ARFGEF2: variants seen among roughly 807,000 people sequenced by gnomAD.
ARFGEF2 encodes brefeldin A-inhibited guanine nucleotide-exchange protein 2.
In ARFGEF2, 74 loss-of-function variants were observed where a neutral mutation model predicts 219.9. The observed-to-expected ratio is 0.34, with a 90% CI of 0.28 to 0.41. The LOEUF is 0.41. Among genes scored for constraint, ARFGEF2 ranks in the 10% least tolerant of loss-of-function variants. The pLI is 1.00. For synonymous variants in ARFGEF2, 733 were observed against 799.2 expected (o/e 0.92, Z 1.40); for missense variants, 1,743 against 2,218.3 (o/e 0.79, Z 4.30).
At chr20:49,016,578 C>G (rs1019487681) in intron 31 of ARFGEF2, among the ~76,000 whole-genome samples, 163 bp downstream of exon 31, 7 of 152,046 alleles carry the variant, frequency 4.6e-5, no homozygotes, top group African/African-American at 1.7e-4. Context: ...CAGTGCCCCC[C>G]CCAAGTCAGT....
At chr20:48,976,531 C>T (rs890261757) in intron 14 of ARFGEF2, among the ~76,000 whole-genome samples, 6 of 151,910 alleles carry the variant, frequency 3.9e-5, no homozygotes, top group African/African-American at 7.3e-5. Context: ...TGAGATGGCC[C>T]GGCGCAGTGG....
intron 3 of ARFGEF2, among the ~76,000 whole-genome samples, chr20:48,950,794 T>TAAA (rs1308938052): frequency 1.1e-4 from 4 of 35,922 alleles, no homozygotes; most frequent in South Asian, 1.2e-3. Flanking sequence ...AGACCCTGTC[T>TAAA]AAAAAAAAAA....
intron 14 of ARFGEF2, among the ~76,000 whole-genome samples, chr20:48,979,904 T>A (rs1198097419): frequency 1.3e-5 from 2 of 152,066 alleles, no homozygotes; most frequent in African/African-American, 4.8e-5. Flanking sequence ...GTCTATCAAT[T>A]TTGTTGATCT....
At chr20:48,966,054 T>A in intron 8 of ARFGEF2, 31 bp downstream of exon 8, 1 of 1,613,592 alleles carries the variant, frequency 6.2e-7, no homozygotes, top group Non-Finnish European at 8.5e-7. Context: ...TGTGGACTTA[T>A]TGCCATTTTT....
intron 1 of ARFGEF2, among the ~76,000 whole-genome samples, chr20:48,928,192 C>CTTTTTTT (rs747462352): frequency 7.6e-5 from 8 of 104,766 alleles, no homozygotes; most frequent in East Asian, 2.9e-4. Flanking sequence ...GTGTTGCAAT[C>CTTTTTTT]TTTTTTTTTT....
chr20:48,995,559 A>G (rs555008574), intron 22 of ARFGEF2, among the ~76,000 whole-genome samples: 5 of 152,346 alleles, frequency 3.3e-5, no homozygotes, highest in African/African-American at 9.6e-5. Context: ...AGAAAGGTAG[A>G]TGGTTGGTAG....
chr20:49,005,065 T>C lies in ARFGEF2; in HGVS notation c.3433-5T>C. 1.9e-6 allele frequency: 3 copies of C among 1,614,198 alleles called. No individual in the cohort carries two copies. Among genetic ancestry groups the C allele is most frequent in the Non-Finnish European group, 2.5e-6 (3 of 1,180,022 alleles). On this transcript the variant is annotated splice_polypyrimidine_tract_variant and splice_region_variant and intron_variant, in intron 25 of 38. Transcript: ENST00000371917. ...TGTTTCACATCAGTTCCTGTTCTTGTTCAGGTTGGCTGCAACCCTAATGAA... is the reference window on the plus strand; with the variant it reads ...TGTTTCACATCAGTTCCTGTTCTTGCTCAGGTTGGCTGCAACCCTAATGAA...
intron 1 of ARFGEF2, 126 bp from the exon 2 acceptor site, chr20:48,941,073 C>G: frequency 2.4e-6 from 2 of 840,342 alleles, no homozygotes; most frequent in South Asian, 3.0e-5. Flanking sequence ...CACTTCATAT[C>G]AGCATTTTTG....
chr20:49,020,521 T>C (rs1309595085), intron 34 of ARFGEF2, among the ~76,000 whole-genome samples: 1 of 152,192 alleles, frequency 6.6e-6, no homozygotes, highest in Non-Finnish European at 1.5e-5. Context: ...TCATAGCTCA[T>C]TGCAGCCTTG....
intron 33 of ARFGEF2, among the ~76,000 whole-genome samples, chr20:49,018,676 T>G (rs1443719042): frequency 6.6e-6 from 1 of 152,230 alleles, no homozygotes; most frequent in Non-Finnish European, 1.5e-5. Context: ...AAATAGGGAA[T>G]TTTAATGGGA....
rs780387297 is a variant in ARFGEF2, at chr20:48,952,930, C to T, written c.603+46C>T. 3 of 1,595,764 alleles carry T rather than the reference C, an allele frequency of 1.9e-6. No individual in the cohort carries two copies. The South Asian group carries it at 3.3e-5, about 18-fold the overall frequency. Reference sequence around the variant, plus strand: ...GCTAGGGGCAAGACATCATTGCTCTCTGAACTCTATCATGTGTGACCTTGG... The same window carrying T: ...GCTAGGGGCAAGACATCATTGCTCTTTGAACTCTATCATGTGTGACCTTGG... On this transcript the variant is annotated intron_variant, in intron 5 of 38. Transcript: ENST00000371917.
chr20:49,020,813 C>G (rs2091560862), intron 34 of ARFGEF2, among the ~76,000 whole-genome samples: 1 of 152,080 alleles, frequency 6.6e-6, no homozygotes. Context: ...ACATTTCTTT[C>G]AATAGGAGAA....
chr20:49,021,208 C>A (rs1443133168), intron 34 of ARFGEF2, among the ~76,000 whole-genome samples: 1 of 151,452 alleles, frequency 6.6e-6, no homozygotes, highest in African/African-American at 2.4e-5. Flanking sequence ...TTGAGACCAG[C>A]CTGGGCAACA....
rs150227433 is a variant in ARFGEF2, at chr20:48,992,674, C to G, written c.2973+1476C>G. 3.3e-5 allele frequency among the ~76,000 whole-genome samples: 5 copies of G among 152,276 alleles called. No individual in the cohort carries two copies. The East Asian group carries it at 5.8e-4, about 18-fold the overall frequency. ...CAATAGTGTTACCTGCTGTCATCTCCGTGGCGTATGGCTTTGCTCCTCTTC... is the reference window on the plus strand; with the variant it reads ...CAATAGTGTTACCTGCTGTCATCTCGGTGGCGTATGGCTTTGCTCCTCTTC... On this transcript the variant is annotated intron_variant, in intron 21 of 38. Transcript: ENST00000371917.
chr20:48,939,977 ACCT>A (rs1338728572), intron 1 of ARFGEF2, among the ~76,000 whole-genome samples: 2 of 152,138 alleles, frequency 1.3e-5, no homozygotes, highest in Admixed American at 1.3e-4. Flanking sequence ...TTGAGGACAA[ACCT>A]CCTTCCCAAG....
chr20:49,017,635 T>G lies in ARFGEF2; in HGVS notation c.4509+85T>G. The G allele has an allele frequency of 2.9e-6, 4 of 1,394,800 alleles. No individual in the cohort carries two copies. The East Asian group carries it at 9.1e-5, about 32-fold the overall frequency. The allele number at this position is 1,394,800 out of a possible 1,614,324, so 86.4% of individuals were successfully genotyped here. A position where few individuals can be genotyped will look rare whatever the true frequency, so the allele number is the denominator to read the frequency against. ...ATAAGCCTGTATAGTTTGTACTTTTTTTAATGGGAAGTGAGTAAAATTATA... is the reference window on the plus strand; with the variant it reads ...ATAAGCCTGTATAGTTTGTACTTTTGTTAATGGGAAGTGAGTAAAATTATA... On this transcript the variant is annotated intron_variant, in intron 33 of 38. Coordinates refer to ENST00000371917, the MANE Select transcript of ARFGEF2 (RefSeq NM_006420.3).
intron 26 of ARFGEF2, among the ~76,000 whole-genome samples, chr20:49,006,104 G>C (rs951319889): frequency 3.3e-5 from 5 of 151,976 alleles, no homozygotes; most frequent in Non-Finnish European, 7.4e-5. Context: ...GACCAGCCTG[G>C]CCAACATGGT....
rs958427430 is a variant in ARFGEF2 at position 49,016,478 on chromosome 20, T to C, written c.4315+63T>C. The C allele has an allele frequency of 4.5e-6, 7 of 1,568,838 alleles. No individual in the cohort carries two copies. The South Asian group carries it at 6.7e-5, about 15-fold the overall frequency. ...AGTCTTTAATGAGAGGTTAGTTTTT[T>C]CAATATTTAAAAGCATGGATGTAGT... is the stretch of plus-strand genomic sequence containing the variant. On this transcript the variant is annotated intron_variant, in intron 31 of 38. Transcript: ENST00000371917.
intron 37 of ARFGEF2, 49 bp downstream of exon 37, chr20:49,028,717 G>A (rs757092426): frequency 7.6e-6 from 12 of 1,574,278 alleles, no homozygotes; most frequent in East Asian, 2.3e-5. Flanking sequence ...TATACAAAAT[G>A]CATCACAGCA....
Sources: allele counts gnomAD v4.1 joint callset (sites outside exome capture counted in the v4.1 genomes callset), GRCh38; gene constraint gnomAD v4.1.1; transcripts MANE v1.5; gene names NCBI Gene and HGNC (gene_info 2026-07-23, HGNC 2026-07-21).